ADK: variants seen among roughly 807,000 people sequenced by gnomAD.
The protein encoded by ADK is adenosine kinase.
Under a neutral mutation model 44.7 loss-of-function variants are expected in ADK, and 24 were observed. The ratio of observed to expected loss-of-function variants is 0.54; its 90% CI spans 0.39 to 0.76. The LOEUF is 0.76. Ranked by LOEUF, ADK falls within the 30% of genes least tolerant of loss-of-function variation. ADK has a pLI of 0.00. For missense variants in ADK, 321 were observed against 425.1 expected, an observed-to-expected ratio of 0.76 and a Z score of 2.15; for synonymous variants, 128 against 142.6, an observed-to-expected ratio of 0.90 and a Z score of 0.73.
intron 3 of ADK, among the ~76,000 whole-genome samples, chr10:74,259,834 ATAT>A (rs1388512470): frequency 1.3e-5 from 2 of 152,122 alleles, no homozygotes; most frequent in African/African-American, 4.8e-5. Flanking sequence ...ATACATGTTC[ATAT>A]TATTGGAAAC....
At chr10:74,553,190 GTTTTT>G (rs386371837) in intron 7 of ADK, among the ~76,000 whole-genome samples, 46 of 60,436 alleles carry the variant, frequency 7.6e-4, no homozygotes, top group Middle Eastern at 0.033. Context: ...AGCACATTGT[GTTTTT>G]TTTTTTTTTT....
rs984863706 is a variant in ADK, at chr10:74,176,703, G to A, written c.66-24061G>A. 1.2e-5 allele frequency: 18 copies of A among 1,465,536 alleles called. No homozygotes were observed. In the African/African-American group the frequency reaches 2.4e-4, roughly 19 times the overall value. 90.8% of individuals were successfully genotyped at this position (1,465,536 alleles called of 1,614,324 possible). ...GGAGCGCCCGCCTTCCCTCCAATCA[G>A]CACGCCGGGCCGGCTAGCCAGGGGC... On this transcript the variant is annotated intron_variant, in intron 1 of 10. Transcript: ENST00000539909.
chr10:74,405,711 C>T (rs1345131062), intron 6 of ADK, among the ~76,000 whole-genome samples: 2 of 152,072 alleles, frequency 1.3e-5, no homozygotes, highest in Admixed American at 1.3e-4. Context: ...CGCCTCCTAC[C>T]CGTCCGTGGA....
intron 2 of ADK, among the ~76,000 whole-genome samples, chr10:74,222,699 A>T (rs559576715): frequency 1.3e-5 from 2 of 152,188 alleles, no homozygotes; most frequent in South Asian, 2.1e-4. Flanking sequence ...TGATGAGTTT[A>T]TGTCCTTTTT....
intron 6 of ADK, among the ~76,000 whole-genome samples, chr10:74,489,742 T>G (rs1250036451): frequency 6.6e-6 from 1 of 151,928 alleles, no homozygotes; most frequent in Non-Finnish European, 1.5e-5. Context: ...ACAAAACTAC[T>G]TAATGATAAC....
At chr10:74,406,989 T>C (rs1843963468) in intron 6 of ADK, among the ~76,000 whole-genome samples, 3 of 151,578 alleles carry the variant, frequency 2.0e-5, no homozygotes, top group Admixed American at 6.6e-5. Context: ...TCTTTCTTTT[T>C]TTTTTTTTTT....
chr10:74,385,206 A>C (rs1210813230), intron 4 of ADK, among the ~76,000 whole-genome samples: 1 of 152,178 alleles, frequency 6.6e-6, no homozygotes, highest in Non-Finnish European at 1.5e-5. Flanking sequence ...TTTAAAAGAG[A>C]CTTTTATAGT....
At chr10:74,476,987 A>C (rs1589150234) in intron 6 of ADK, among the ~76,000 whole-genome samples, 1 of 152,296 alleles carries the variant, frequency 6.6e-6, no homozygotes, top group African/African-American at 2.4e-5. Flanking sequence ...AGTATGTAAA[A>C]TATATAGTTT....
intron 1 of ADK, among the ~76,000 whole-genome samples, chr10:74,169,150 C>T (rs966499588): frequency 4.4e-4 from 67 of 151,488 alleles, no homozygotes; most frequent in African/African-American, 4.1e-4. Context: ...GCCTGGGAGG[C>T]GGAAGTTGCA....
Position 74,652,101 on chromosome 10 carries a change from C to T in ADK, c.878-18082C>T, listed in dbSNP as rs148551010. Among the ~76,000 whole-genome samples the T allele has an allele frequency of 1.9e-3, 275 of 147,578 alleles. 3 individuals are homozygous for T. Among genetic ancestry groups the T allele is most frequent in the Admixed American group, 8.2e-3 (120 of 14,586 alleles). ...ATAGATCTTGTCACTATGCTAGTAG[C>T]GCCATCTTGGCTCAACTGCAACCTC... On this transcript the variant is annotated intron_variant, in intron 9 of 10. Transcript: ENST00000539909.
chr10:74,238,799 A>T (rs887805655), intron 3 of ADK, among the ~76,000 whole-genome samples: 1 of 151,204 alleles, frequency 6.6e-6, no homozygotes, highest in African/African-American at 2.4e-5. Context: ...ACCAAAGAAG[A>T]TAGAAAAATA....
intron 2 of ADK, 144 bp from the exon 3 acceptor site, chr10:74,224,394 A>G (rs1280798008): frequency 2.9e-6 from 2 of 693,436 alleles, no homozygotes; most frequent in East Asian, 5.6e-5. Context: ...ACAGCAAAAA[A>G]CCGTCTACTT....
intron 3 of ADK, among the ~76,000 whole-genome samples, chr10:74,295,988 G>T (rs1020793513): frequency 6.7e-6 from 1 of 150,282 alleles, no homozygotes; most frequent in Non-Finnish European, 1.5e-5. Flanking sequence ...TTTTATTAGC[G>T]TTTCAAAGAA....
At chr10:74,708,132 AG>A (rs1856670402) in intron 10 of ADK, among the ~76,000 whole-genome samples, 188 bp from the exon 11 acceptor site, 1 of 137,226 alleles carries the variant, frequency 7.3e-6, no homozygotes, top group Non-Finnish European at 1.5e-5. Context: ...CCTGCGTGAC[AG>A]GGCAAGACTC....
chr10:74,422,725 G>A (rs1413743234), intron 6 of ADK, among the ~76,000 whole-genome samples: 1 of 152,158 alleles, frequency 6.6e-6, no homozygotes, highest in Non-Finnish European at 1.5e-5. Context: ...ATAAAATAGA[G>A]AAAAAGTCAG....
chr10:74,349,004 A>G (rs971066067), intron 4 of ADK, among the ~76,000 whole-genome samples: 3 of 152,172 alleles, frequency 2.0e-5, no homozygotes, highest in Non-Finnish European at 2.9e-5. Flanking sequence ...GATATTATCC[A>G]GGAGAACTTC....
chr10:74,335,935 G>T (rs1450971544), intron 4 of ADK, among the ~76,000 whole-genome samples: 3 of 152,114 alleles, frequency 2.0e-5, no homozygotes, highest in Admixed American at 6.6e-5. Flanking sequence ...AGACTTATCA[G>T]ATGTGTGATT....
intron 1 of ADK, among the ~76,000 whole-genome samples, chr10:74,189,839 C>T (rs1591827625): frequency 6.6e-6 from 1 of 152,082 alleles, no homozygotes; most frequent in Non-Finnish European, 1.5e-5. Flanking sequence ...TAAGTGGAAT[C>T]ATATAATATT....
In ADK at chr10:74,335,916, C is replaced by G. The variant is rs184706642; in HGVS notation, c.273+21171C>G. Among the ~76,000 whole-genome samples, 3 of 152,154 alleles carry G rather than the reference C, an allele frequency of 2.0e-5. No homozygotes were observed. In the East Asian group the frequency reaches 5.8e-4, roughly 29 times the overall value. On this transcript the variant is annotated intron_variant, in intron 4 of 10. Transcript: ENST00000539909. The stretch of plus-strand genomic sequence containing the variant: ...GAGTTTTGAGAATTCTTTATCTGTT[C>G]TGCAGACAAGACTTATCAGATGTGT...
Sources: gnomAD v4.1 joint callset for allele counts (sites outside exome capture counted in the v4.1 genomes callset) on GRCh38, gnomAD v4.1.1 for gene constraint, MANE v1.5 for transcripts, NCBI Gene and HGNC (gene_info 2026-07-23, HGNC 2026-07-21) for gene names.